The following ALG6 variants were observed in gnomAD, a reference collection of about 807,000 sequenced individuals.
ALG6 encodes the protein ALG6 alpha-1,3-glucosyltransferase.
Under a neutral mutation model 66.6 loss-of-function variants are expected in ALG6, and 46 were observed. That is an observed-to-expected ratio of 0.69 (90% CI 0.55 to 0.88). ALG6 has a LOEUF of 0.88. ALG6 is among the 40% of genes least tolerant of loss of function. The probability of loss-of-function intolerance (pLI) is 0.00; values close to 1 mark genes in which losing one functional copy is unlikely to be tolerated. For synonymous variants in ALG6, 185 were observed against 203.7 expected, an observed-to-expected ratio of 0.91 and a Z score of 0.78; for missense variants, 505 against 586.8, an observed-to-expected ratio of 0.86 and a Z score of 1.44.
intron 2 of ALG6, among the ~76,000 whole-genome samples, chr1:63,382,087 T>C (rs1449228934): frequency 1.3e-5 from 2 of 152,034 alleles, no homozygotes; most frequent in Non-Finnish European, 2.9e-5. Context: ...TGTTGTTTTT[T>C]AAAAGTTTTT....
chr1:63,406,549 A>G (rs1330310929), intron 6 of ALG6, 150 bp downstream of exon 6: 13 of 719,704 alleles, frequency 1.8e-5, no homozygotes, highest in Non-Finnish European at 1.9e-5. Context: ...CAAAAGCATC[A>G]ACTTATCTTA....
intron 4 of ALG6, 71 bp downstream of exon 4, chr1:63,402,414 T>C (rs1476003849): frequency 1.1e-5 from 10 of 913,582 alleles, no homozygotes; most frequent in Non-Finnish European, 1.6e-5. Flanking sequence ...AGCAGTGTGA[T>C]GGGGCTTTCT....
Position 63,371,068 on chromosome 1 carries a change from T to C in ALG6, c.82+9T>C. ...TCTTAATTCTTATTCAGGTAATACA[T>C]TTTTACTGGTTAAAAAAAAAACGAA... On this transcript the variant is annotated intron_variant, in intron 2 of 14. Coordinates refer to ENST00000263440, the MANE Select transcript of ALG6 (RefSeq NM_013339.4). The C allele has an allele frequency of 6.3e-7, 1 of 1,584,714 alleles. No individual in the cohort carries two copies. Among genetic ancestry groups the C allele is most frequent in the African/African-American group, 1.3e-5 (1 of 74,426 alleles).
At position 63,388,922 on chromosome 1, in the gene ALG6, A is replaced by G. The variant is rs548673705; in HGVS notation, c.83-7591A>G. 2.0e-5 allele frequency among the ~76,000 whole-genome samples: 3 copies of G among 152,006 alleles called. No homozygotes were observed. In the East Asian group the frequency reaches 5.8e-4, roughly 29 times the overall value. On this transcript the variant is annotated intron_variant, in intron 2 of 14. Transcript: ENST00000263440. ...TCTCTTCTGGCCTGTGTGGCTTTCT[A>G]CTGAGAAGTCTGCTGCCAGATGTAT...
chr1:63,411,079 G>A, intron 7 of ALG6, 67 bp from the exon 8 acceptor site: 2 of 1,526,588 alleles, frequency 1.3e-6, no homozygotes, highest in South Asian at 1.1e-5. Context: ...TCTCTTGTGT[G>A]ATTTGCTTTT....
intron 2 of ALG6, among the ~76,000 whole-genome samples, chr1:63,379,215 C>T (rs1274171404): frequency 6.6e-6 from 1 of 152,002 alleles, no homozygotes; most frequent in East Asian, 1.9e-4. Flanking sequence ...CTTGAGTTTC[C>T]TGTGCATTTT....
intron 1 of ALG6, among the ~76,000 whole-genome samples, chr1:63,367,908 G>A (rs563982634): frequency 1.6e-4 from 24 of 152,320 alleles, no homozygotes; most frequent in African/African-American, 5.8e-4. Context: ...AGGCTGGGGC[G>A]GTCCTGGCAC....
intron 8 of ALG6, 53 bp downstream of exon 8, chr1:63,411,384 T>A (rs1644515351): frequency 1.3e-6 from 2 of 1,540,308 alleles, no homozygotes; most frequent in Non-Finnish European, 1.8e-6. Context: ...ATAATTTTTT[T>A]GGCATACTTA....
At chr1:63,427,027 A>G (rs958877328) in intron 12 of ALG6, among the ~76,000 whole-genome samples, 1 of 152,054 alleles carries the variant, frequency 6.6e-6, no homozygotes, top group African/African-American at 2.4e-5. Flanking sequence ...TTTGAGATGG[A>G]GTCTTGCTCT....
chr1:63,387,384 C>T (rs1198804408), intron 2 of ALG6, among the ~76,000 whole-genome samples: 1 of 152,008 alleles, frequency 6.6e-6, no homozygotes, highest in Non-Finnish European at 1.5e-5. Flanking sequence ...CTAGCTATTA[C>T]CCTATTGGAG....
At chr1:63,430,359 A>T (rs1380568626) in intron 14 of ALG6, among the ~76,000 whole-genome samples, 2 of 152,158 alleles carry the variant, frequency 1.3e-5, no homozygotes, top group African/African-American at 4.8e-5. Context: ...GCTGTTGTGA[A>T]CATTTGTTTA....
At chr1:63,404,908 T>A (rs1644482954) in intron 5 of ALG6, among the ~76,000 whole-genome samples, 1 of 152,162 alleles carries the variant, frequency 6.6e-6, no homozygotes, top group Non-Finnish European at 1.5e-5. Context: ...TTTAATATCC[T>A]AATTCTAAAT....
intron 8 of ALG6, 35 bp from the exon 9 acceptor site, chr1:63,411,891 C>A: frequency 6.2e-7 from 1 of 1,613,806 alleles, no homozygotes; most frequent in Non-Finnish European, 8.5e-7. Context: ...ACTGACCTTT[C>A]CCTATCTTAC....
chr1:63,421,070 AG>A (rs1431851540), intron 12 of ALG6, among the ~76,000 whole-genome samples: 1 of 151,978 alleles, frequency 6.6e-6, no homozygotes, highest in East Asian at 1.9e-4. Context: ...AAAAAAAAGA[AG>A]TGAGTGTGTT....
In ALG6 at chr1:63,402,321, CAT is replaced by C; in HGVS notation, c.237_238del (p.His79GlnfsTer25). 1 of 1,610,660 alleles carries C rather than the reference CAT, an allele frequency of 6.2e-7. No individual in the cohort carries two copies. Among genetic ancestry groups the C allele is most frequent in the South Asian group, 1.1e-5 (1 of 90,992 alleles). On this transcript the variant is annotated frameshift_variant, in exon 4 of 15. Transcript: ENST00000263440. LOFTEE classifies it high-confidence loss of function. The stretch of plus-strand genomic sequence containing the variant: ...GGATTACCCACCTCTTACAGCTTAT[CAT>C]AGTCTCCTATGTGCATATGTGTAAG... ...GLDYPPLTAY[H>X]SLLCAYVAKF... is the part of the protein sequence containing the mutation.
chr1:63,395,981 T>C (rs574473749), intron 2 of ALG6, among the ~76,000 whole-genome samples: 11 of 152,304 alleles, frequency 7.2e-5, no homozygotes, highest in African/African-American at 2.6e-4. Context: ...TTATGTAGCA[T>C]TTTACATTGT....
intron 2 of ALG6, among the ~76,000 whole-genome samples, chr1:63,376,824 T>C (rs760106959): frequency 6.6e-6 from 1 of 152,194 alleles, no homozygotes; most frequent in Non-Finnish European, 1.5e-5. Context: ...CCAATATTAT[T>C]GTTTTGATAC....
At chr1:63,368,062 C>T (rs1647786694) in intron 1 of ALG6, among the ~76,000 whole-genome samples, 1 of 151,744 alleles carries the variant, frequency 6.6e-6, no homozygotes, top group Non-Finnish European at 1.5e-5. Context: ...ACCTTTCAGA[C>T]TAAAAGGAGC....
rs1473721672 is a variant in ALG6, at chr1:63,433,109, A to G, written c.1327-3714A>G. Among the ~76,000 whole-genome samples, 1 of 151,940 alleles carries G rather than the reference A, an allele frequency of 6.6e-6. No individual in the cohort carries two copies. The highest frequency in any genetic ancestry group is 1.5e-5 in the Non-Finnish European group (1 of 67,972). ...AGGCACGTGCCACCACACCCTGCCA[A>G]TTTTTGTATTTTTAATAGAGACGGG... is the stretch of plus-strand genomic sequence containing the variant. On this transcript the variant is annotated intron_variant, in intron 14 of 14. Coordinates refer to ENST00000263440, the MANE Select transcript of ALG6 (RefSeq NM_013339.4). This position sits in a 1 kb window ranked among gnomAD's most constrained non-coding sequence, Gnocchi z 4.2.
Sources: allele counts gnomAD v4.1 joint callset (sites outside exome capture counted in the v4.1 genomes callset), GRCh38; gene constraint gnomAD v4.1.1; non-coding constraint Gnocchi (gnomAD v3.1); transcripts MANE v1.5; gene names NCBI Gene and HGNC (gene_info 2026-07-23, HGNC 2026-07-21).